Variants in CNTN5 observed in about 807,000 individuals in gnomAD.
CNTN5 encodes contactin 5.
CNTN5 carries 77 observed loss-of-function variants against 129.1 expected under a neutral mutation model. That is an observed-to-expected ratio of 0.60 (90% confidence interval 0.50 to 0.72). CNTN5 has a LOEUF of 0.72. CNTN5 is among the 30% of genes least tolerant of loss of function. The pLI is 0.00. For synonymous variants in CNTN5, 509 were observed against 465.6 expected, an observed-to-expected ratio of 1.09 and a Z score of -1.20; for missense variants, 1,478 against 1,328.8, an observed-to-expected ratio of 1.11 and a Z score of -1.75.
chr11:99,893,064 TC>T (rs1949107226), intron 6 of CNTN5, among the ~76,000 whole-genome samples: 2 of 151,944 alleles, frequency 1.3e-5, no homozygotes. Flanking sequence ...AGCAAATGTT[TC>T]CAGGAAAGAT....
intron 13 of CNTN5, among the ~76,000 whole-genome samples, chr11:100,181,339 C>A (rs564990051): frequency 1.3e-4 from 19 of 151,802 alleles, no homozygotes; most frequent in Admixed American, 1.3e-3. Flanking sequence ...TTCCACTAAT[C>A]TAAGATTTTT....
chr11:99,083,979 A>G (rs1261926901), intron 1 of CNTN5, among the ~76,000 whole-genome samples: 1 of 152,172 alleles, frequency 6.6e-6, no homozygotes, highest in African/African-American at 2.4e-5. Context: ...AACTGACATT[A>G]TTCCTTGTTC....
intron 7 of CNTN5, among the ~76,000 whole-genome samples, chr11:99,946,848 A>T (rs1204166069): frequency 6.6e-6 from 1 of 152,002 alleles, no homozygotes; most frequent in Non-Finnish European, 1.5e-5. Flanking sequence ...GCAAATATCA[A>T]AATACATTTG....
chr11:100,322,772 TTC>T (rs1951719171), intron 21 of CNTN5, among the ~76,000 whole-genome samples: 1 of 152,196 alleles, frequency 6.6e-6, no homozygotes, highest in Admixed American at 6.5e-5. Context: ...TCTTAGATTT[TTC>T]TCTGTTTTAC....
At chr11:99,340,897 G>T (rs1392829907) in intron 2 of CNTN5, among the ~76,000 whole-genome samples, 1 of 151,978 alleles carries the variant, frequency 6.6e-6, no homozygotes, top group South Asian at 2.1e-4. Flanking sequence ...TATATTTTCA[G>T]GCTGCTAACT....
chr11:99,134,979 A>C (rs145702939), intron 1 of CNTN5, among the ~76,000 whole-genome samples: 1 of 152,204 alleles, frequency 6.6e-6, no homozygotes, highest in African/African-American at 2.4e-5. Context: ...GACTTTTGTC[A>C]TCTCTTTTTT....
chr11:99,053,825 T>G (rs2135184781), intron 1 of CNTN5, among the ~76,000 whole-genome samples: 1 of 152,102 alleles, frequency 6.6e-6, no homozygotes, highest in South Asian at 2.1e-4. Flanking sequence ...TTTGAAATTT[T>G]TTTATTTGCC....
chr11:99,916,824 A>C (rs183595465), intron 7 of CNTN5, among the ~76,000 whole-genome samples: 1 of 152,098 alleles, frequency 6.6e-6, no homozygotes, highest in African/African-American at 2.4e-5. Context: ...TAGCTTTACT[A>C]TAAGTTAAGA....
At chr11:100,138,356 G>A (rs1285846309) in intron 13 of CNTN5, among the ~76,000 whole-genome samples, 1 of 151,958 alleles carries the variant, frequency 6.6e-6, no homozygotes, top group African/African-American at 2.4e-5. Flanking sequence ...TAGGTACCGG[G>A]AACTCAGCAA....
intron 2 of CNTN5, among the ~76,000 whole-genome samples, chr11:99,463,559 A>G (rs1944817914): frequency 6.6e-6 from 1 of 152,020 alleles, no homozygotes; most frequent in South Asian, 2.1e-4. Flanking sequence ...TATAATGTCT[A>G]TACTGTATAA....
chr11:99,946,501 G>C (rs1950556082), intron 7 of CNTN5, among the ~76,000 whole-genome samples: 1 of 152,028 alleles, frequency 6.6e-6, no homozygotes, highest in South Asian at 2.1e-4. Context: ...CTTGGAATTA[G>C]AAAAACTGAT....
rs187716177 is a variant in CNTN5, at chr11:99,964,016, G to A, written c.877+7007G>A. Among the ~76,000 whole-genome samples the A allele has an allele frequency of 1.3e-3, 201 of 152,326 alleles. 2 individuals carry two copies. The highest frequency in any genetic ancestry group is 8.9e-3 in the South Asian group (43 of 4,832). Reference sequence around the variant, plus strand: ...TTTTTGCACACTGATTTTGTATGCCGAGACTTTGCTGAAGTTGCTTATCAG... The same window carrying A: ...TTTTTGCACACTGATTTTGTATGCCAAGACTTTGCTGAAGTTGCTTATCAG... On this transcript the variant is annotated intron_variant, in intron 8 of 24. Coordinates refer to ENST00000524871, the MANE Select transcript of CNTN5 (RefSeq NM_014361.4).
At chr11:99,076,918 A>G (rs530477373) in intron 1 of CNTN5, among the ~76,000 whole-genome samples, 1 of 152,220 alleles carries the variant, frequency 6.6e-6, no homozygotes, top group East Asian at 1.9e-4. Flanking sequence ...TTTCCTTTTC[A>G]TGATTGCTTA....
At chr11:99,108,932 T>G (rs1201849068) in intron 1 of CNTN5, among the ~76,000 whole-genome samples, 1 of 151,938 alleles carries the variant, frequency 6.6e-6, no homozygotes, top group East Asian at 1.9e-4. Flanking sequence ...ACTAAGTAAA[T>G]ACTTAATTAG....
intron 1 of CNTN5, among the ~76,000 whole-genome samples, chr11:99,317,750 G>C (rs921837175): frequency 6.6e-6 from 1 of 152,056 alleles, no homozygotes; most frequent in Non-Finnish European, 1.5e-5. Flanking sequence ...TAGGAAAAAT[G>C]TTTAGCAAAA....
intron 3 of CNTN5, among the ~76,000 whole-genome samples, chr11:99,653,469 T>TAA (rs1322158580): frequency 1.3e-5 from 2 of 151,986 alleles, no homozygotes; most frequent in African/African-American, 4.8e-5. Flanking sequence ...CTTAAATCAG[T>TAA]AAGTAGTTCT....
intron 16 of CNTN5, among the ~76,000 whole-genome samples, chr11:100,233,153 T>C (rs904339332): frequency 4.6e-5 from 7 of 152,198 alleles, no homozygotes; most frequent in African/African-American, 1.7e-4. Flanking sequence ...ATTGCCAGAT[T>C]GTTTCAATTT....
rs1947712406 is a variant in CNTN5, at chr11:99,846,779, TAATA to T, written c.577+1522_577+1525del. The stretch of plus-strand genomic sequence containing the variant: ...AGAAAAGGAAAGAATAAAGAATTGA[TAATA>T]AATACAGTTTGAAGAGTACCGAGAT... On this transcript the variant is annotated intron_variant, in intron 6 of 24. Transcript: ENST00000524871. Among the ~76,000 whole-genome samples the T allele has an allele frequency of 3.9e-5, 6 of 152,164 alleles. No individual in the cohort carries two copies. The South Asian group carries it at 1.2e-3, about 31-fold the overall frequency.
chr11:99,958,892 T>G (rs1183882499), intron 8 of CNTN5, among the ~76,000 whole-genome samples: 1 of 152,172 alleles, frequency 6.6e-6, no homozygotes, highest in East Asian at 1.9e-4. Context: ...CTCTTCCACC[T>G]TCTTTTCACA....
Sources: allele counts gnomAD v4.1 joint callset (sites outside exome capture counted in the v4.1 genomes callset), GRCh38; gene constraint gnomAD v4.1.1; transcripts MANE v1.5; gene names NCBI Gene and HGNC (gene_info 2026-07-23, HGNC 2026-07-21).